The following EPHB2 variants were observed in gnomAD, a reference collection of about 807,000 sequenced individuals.
The protein encoded by EPHB2 is EPH receptor B2, also known as ephrin type-B receptor 2.
EPHB2 carries 18 observed loss-of-function variants against 96.4 expected under a neutral mutation model. The observed-to-expected ratio is 0.19, with a 90% CI of 0.13 to 0.28. The LOEUF (loss-of-function observed/expected upper bound fraction) is 0.28, where lower values mean the gene tolerates loss of function less well. Among genes scored for constraint, EPHB2 ranks in the 10% least tolerant of loss-of-function variants. The probability of loss-of-function intolerance (pLI) is 1.00; values close to 1 mark genes in which losing one functional copy is unlikely to be tolerated. For missense variants in EPHB2, 989 were observed against 1,355.4 expected, an observed-to-expected ratio of 0.73 and a Z score of 4.25; for synonymous variants, 506 against 534.1, an observed-to-expected ratio of 0.95 and a Z score of 0.72.
intron 8 of EPHB2, 45 bp downstream of exon 8, chr1:22,895,625 G>T: frequency 6.5e-7 from 1 of 1,546,914 alleles, no homozygotes; most frequent in Non-Finnish European, 8.9e-7. Flanking sequence ...TGTCCCAGAT[G>T]GCTTCTCTCT....
At chr1:22,857,881 A>G (rs1266931934) in intron 3 of EPHB2, among the ~76,000 whole-genome samples, 3 of 152,226 alleles carry the variant, frequency 2.0e-5, no homozygotes, top group African/African-American at 7.2e-5. Context: ...AAACAATGAA[A>G]GCCAGACAGA....
intron 1 of EPHB2, among the ~76,000 whole-genome samples, chr1:22,749,189 T>G (rs1031022546): frequency 6.6e-6 from 1 of 151,796 alleles, no homozygotes; most frequent in Non-Finnish European, 1.5e-5. Flanking sequence ...CCTAGCTCAT[T>G]TTTGTATTTT....
At chr1:22,711,339 C>T (rs1398663958) in intron 1 of EPHB2, among the ~76,000 whole-genome samples, 1 of 147,928 alleles carries the variant, frequency 6.8e-6, no homozygotes, top group Non-Finnish European at 1.5e-5. Flanking sequence ...CACGCGCGCT[C>T]GCCGCCCCCG....
At chr1:22,782,673 A>C (rs1644552107) in intron 2 of EPHB2, among the ~76,000 whole-genome samples, 1 of 152,152 alleles carries the variant, frequency 6.6e-6, no homozygotes, top group Non-Finnish European at 1.5e-5. Context: ...AATTAGAGAG[A>C]GGGGAGAAAG....
intron 1 of EPHB2, among the ~76,000 whole-genome samples, chr1:22,720,663 C>T (rs1360087261): frequency 2.0e-5 from 2 of 99,288 alleles, no homozygotes; most frequent in Non-Finnish European, 4.4e-5. Flanking sequence ...ATCTCATTCC[C>T]CCCCCCCCCC....
rs567836832 is a variant in EPHB2, at chr1:22,725,522, A to C, written c.61+14479A>C. Among the ~76,000 whole-genome samples, 90 of 152,018 alleles carry C rather than the reference A, an allele frequency of 5.9e-4. 1 individual carries two copies. The highest frequency in any genetic ancestry group is 2.1e-3 in the African/African-American group (86 of 41,452). On this transcript the variant is annotated intron_variant, in intron 1 of 15. Transcript: ENST00000374630. ...TTCTCCCCCCGAGACTCCCTTTTGT[A>C]TCTGGACTGTGACATTTCCTCATTT...
chr1:22,818,249 C>T (rs1022256546), intron 3 of EPHB2, among the ~76,000 whole-genome samples: 1 of 152,142 alleles, frequency 6.6e-6, no homozygotes, highest in Non-Finnish European at 1.5e-5. Context: ...TCCAGTCCCA[C>T]CCCGAGTCAT....
chr1:22,750,207 A>G (rs1002523440), intron 1 of EPHB2, among the ~76,000 whole-genome samples: 5 of 152,180 alleles, frequency 3.3e-5, no homozygotes, highest in Non-Finnish European at 7.3e-5. Context: ...CCTCTCTATG[A>G]AAAGAAAGGC....
At chr1:22,729,929 C>G (rs1643669571) in intron 1 of EPHB2, among the ~76,000 whole-genome samples, 2 of 152,184 alleles carry the variant, frequency 1.3e-5, no homozygotes, top group Admixed American at 1.3e-4. Flanking sequence ...GAATGCACGG[C>G]TCTCAGATGA....
chr1:22,713,851 C>T (rs559906802), intron 1 of EPHB2, among the ~76,000 whole-genome samples: 130 of 152,228 alleles, frequency 8.5e-4, no homozygotes, highest in African/African-American at 2.9e-3. Context: ...CGGGGGGTTT[C>T]TAGGTTAGGA....
At chr1:22,815,112 T>C (rs1645054133) in intron 3 of EPHB2, among the ~76,000 whole-genome samples, 1 of 152,022 alleles carries the variant, frequency 6.6e-6, no homozygotes, top group Non-Finnish European at 1.5e-5. Flanking sequence ...CCAGGAAAAG[T>C]GAAAAGGTCA....
intron 1 of EPHB2, among the ~76,000 whole-genome samples, chr1:22,741,870 G>A (rs556689926): frequency 3.9e-5 from 6 of 152,018 alleles, no homozygotes; most frequent in Non-Finnish European, 7.4e-5. Context: ...TGAGAAGGCC[G>A]GAGCTCAGTG....
chr1:22,730,203 C>T (rs1041859376), intron 1 of EPHB2, among the ~76,000 whole-genome samples: 4 of 152,234 alleles, frequency 2.6e-5, no homozygotes, highest in Non-Finnish European at 5.9e-5. Flanking sequence ...ACAGATGAGG[C>T]TTCTAATACT....
At position 22,801,484 on chromosome 1, in the gene EPHB2, C is replaced by T. The variant is rs191141274; in HGVS notation, c.811+16408C>T. Among the ~76,000 whole-genome samples, 729 of 152,110 alleles carry T rather than the reference C, an allele frequency of 4.8e-3. 6 individuals carry two copies. The highest frequency in any genetic ancestry group is 0.017 in the African/African-American group (689 of 41,470). On this transcript the variant is annotated intron_variant, in intron 3 of 15. Coordinates refer to ENST00000374630, the MANE Select transcript of EPHB2 (RefSeq NM_017449.5). ...CTGCAAGGGCTTTGTCGAACTTCAC[C>T]GAGAGCAGGTGGCAAGCCAGGATTG...
intron 1 of EPHB2, among the ~76,000 whole-genome samples, chr1:22,714,669 T>C (rs972674780): frequency 6.6e-6 from 1 of 152,180 alleles, no homozygotes; most frequent in Admixed American, 6.5e-5. Context: ...GCCAGATTCA[T>C]GCTTGGAAAG....
chr1:22,781,531 CA>C, intron 2 of EPHB2, 46 bp downstream of exon 2: 1 of 1,597,352 alleles, frequency 6.3e-7, no homozygotes, highest in Non-Finnish European at 8.6e-7. Context: ...CAGGATCCCT[CA>C]AGCCCTGCTG....
intron 3 of EPHB2, among the ~76,000 whole-genome samples, chr1:22,809,380 A>C (rs749716082): frequency 1.3e-5 from 2 of 152,224 alleles, no homozygotes; most frequent in Non-Finnish European, 2.9e-5. Flanking sequence ...TCAGACAGAA[A>C]CCTTCCTAAG....
At chr1:22,866,941 A>C (rs1638499632) in intron 5 of EPHB2, among the ~76,000 whole-genome samples, 1 of 152,116 alleles carries the variant, frequency 6.6e-6, no homozygotes, top group Non-Finnish European at 1.5e-5. Flanking sequence ...TCTAAGTAAA[A>C]ACAAGAGAGA....
chr1:22,748,693 T>G (rs1359764018), intron 1 of EPHB2, among the ~76,000 whole-genome samples: 1 of 151,256 alleles, frequency 6.6e-6, no homozygotes, highest in Non-Finnish European at 1.5e-5. Flanking sequence ...GGTCCTCTTT[T>G]TACAAAAATT....
Sources: gnomAD v4.1 joint callset for allele counts (sites outside exome capture counted in the v4.1 genomes callset) on GRCh38, gnomAD v4.1.1 for gene constraint, MANE v1.5 for transcripts, NCBI Gene and HGNC (gene_info 2026-07-23, HGNC 2026-07-21) for gene names.